Variants in MYO5A observed in about 807,000 individuals in gnomAD.
MYO5A encodes the protein myosin VA, also known as unconventional myosin-Va.
Under a neutral mutation model 249.7 loss-of-function variants are expected in MYO5A, and 98 were observed. The ratio of observed to expected loss-of-function variants is 0.39; its 90% CI spans 0.33 to 0.46. The LOEUF is 0.46. MYO5A is among the 20% of genes least tolerant of loss of function. The probability of loss-of-function intolerance (pLI) is 0.98; values close to 1 mark genes in which losing one functional copy is unlikely to be tolerated. For missense variants in MYO5A, 1,696 were observed against 2,308.8 expected (o/e 0.73, Z 5.44); for synonymous variants, 778 against 810.6 (o/e 0.96, Z 0.68).
At chr15:52,403,620 C>G (rs2042857834) in intron 9 of MYO5A, among the ~76,000 whole-genome samples, 1 of 152,184 alleles carries the variant, frequency 6.6e-6, no homozygotes, top group African/African-American at 2.4e-5. Flanking sequence ...TTTAAACTGA[C>G]TGTGGTGATG....
At chr15:52,406,112 C>T (rs961166558) in intron 8 of MYO5A, among the ~76,000 whole-genome samples, 8 of 152,102 alleles carry the variant, frequency 5.3e-5, no homozygotes, top group Non-Finnish European at 1.0e-4. Context: ...GATCTGGCTT[C>T]ATTTTTAAAT....
chr15:52,400,032 T>C (rs945957217), intron 9 of MYO5A, among the ~76,000 whole-genome samples: 11 of 152,234 alleles, frequency 7.2e-5, no homozygotes, highest in Non-Finnish European at 1.6e-4. Context: ...TCTGAATTTT[T>C]TTAACCAGTC....
intron 28 of MYO5A, among the ~76,000 whole-genome samples, chr15:52,350,592 G>A (rs1477764129): frequency 6.6e-6 from 1 of 152,168 alleles, no homozygotes; most frequent in Admixed American, 6.5e-5. Flanking sequence ...AGGTTTTCAA[G>A]GTGATCACTC....
intron 32 of MYO5A, 104 bp downstream of exon 32, chr15:52,340,092 G>A: frequency 8.5e-7 from 1 of 1,171,564 alleles, no homozygotes. Context: ...AAGTACAGAG[G>A]GGTGAGTTTT....
intron 12 of MYO5A, among the ~76,000 whole-genome samples, chr15:52,391,129 T>C (rs1426774185): frequency 6.6e-6 from 1 of 152,210 alleles, no homozygotes; most frequent in Non-Finnish European, 1.5e-5. Context: ...ATAAATGTTG[T>C]CAAATATCCT....
At chr15:52,403,452 A>C (rs1044825167) in intron 9 of MYO5A, among the ~76,000 whole-genome samples, 1 of 152,246 alleles carries the variant, frequency 6.6e-6, no homozygotes, top group African/African-American at 2.4e-5. Context: ...AGTCACGAAA[A>C]ACCACATATT....
intron 1 of MYO5A, among the ~76,000 whole-genome samples, chr15:52,479,339 A>G (rs143737866): frequency 3.3e-5 from 5 of 152,304 alleles, no homozygotes; most frequent in Admixed American, 3.3e-4. Flanking sequence ...AAAATAGACT[A>G]GTATTTACGT....
chr15:52,528,214 A>T (rs1422285319), intron 1 of MYO5A, among the ~76,000 whole-genome samples: 2 of 152,194 alleles, frequency 1.3e-5, no homozygotes, highest in African/African-American at 4.8e-5. Flanking sequence ...GCTCGCGTTC[A>T]TCCGGCAGCA....
At chr15:52,462,778 G>A (rs900409449) in intron 1 of MYO5A, among the ~76,000 whole-genome samples, 2 of 152,006 alleles carry the variant, frequency 1.3e-5, no homozygotes, top group African/African-American at 4.8e-5. Flanking sequence ...AACCCTGGAG[G>A]TGGAGGTTGC....
chr15:52,369,243 T>C (rs1382652877), intron 22 of MYO5A, among the ~76,000 whole-genome samples: 1 of 152,174 alleles, frequency 6.6e-6, no homozygotes, highest in African/African-American at 2.4e-5. Flanking sequence ...GTGCTGATAT[T>C]AACATTTAGA....
chr15:52,413,854 G>T (rs1177089230), intron 5 of MYO5A, among the ~76,000 whole-genome samples: 1 of 152,174 alleles, frequency 6.6e-6, no homozygotes, highest in South Asian at 2.1e-4. Context: ...GAAGGAAGCA[G>T]GTGAGCATAG....
At chr15:52,410,186 T>C in intron 6 of MYO5A, 147 bp downstream of exon 6, 1 of 1,004,242 alleles carries the variant, frequency 1.0e-6, no homozygotes, top group South Asian at 1.3e-5. Context: ...GGCACCATTT[T>C]ACAGGCTTCA....
At chr15:52,408,265 T>G (rs867487328) in intron 6 of MYO5A, 125 bp from the exon 7 acceptor site, 1 of 644,756 alleles carries the variant, frequency 1.6e-6, no homozygotes, top group African/African-American at 1.8e-5. Flanking sequence ...TTCCTATATT[T>G]CCTAATACTT....
At chr15:52,507,451 A>T (rs1262799658) in intron 1 of MYO5A, among the ~76,000 whole-genome samples, 2 of 152,204 alleles carry the variant, frequency 1.3e-5, no homozygotes, top group Non-Finnish European at 2.9e-5. Context: ...CCATAGCCAA[A>T]TCCTAACTAG....
chr15:52,410,588 A>ATTTTTTTTT, intron 5 of MYO5A, 112 bp from the exon 6 acceptor site: 2 of 682,612 alleles, frequency 2.9e-6, no homozygotes, highest in Non-Finnish European at 4.6e-6. Context: ...CTTAAAATTG[A>ATTTTTTTTT]TTTTTTTTTT....
chr15:52,364,064 C>A (rs1278361780), intron 24 of MYO5A, among the ~76,000 whole-genome samples: 1 of 152,030 alleles, frequency 6.6e-6, no homozygotes, highest in East Asian at 1.9e-4. Flanking sequence ...TGGTGAAACC[C>A]CATTTCTACT....
At chr15:52,359,884 G>T in intron 25 of MYO5A, 84 bp downstream of exon 25, 1 of 914,068 alleles carries the variant, frequency 1.1e-6, no homozygotes, top group Non-Finnish European at 1.8e-6. Flanking sequence ...ATGGCCAATT[G>T]GAGTCTGCTT....
chr15:52,493,945 T>G (rs983259498), intron 1 of MYO5A, among the ~76,000 whole-genome samples: 2 of 152,196 alleles, frequency 1.3e-5, no homozygotes, highest in Admixed American at 6.5e-5. Flanking sequence ...TTTTAGCTTG[T>G]ATCATACAAG....
intron 13 of MYO5A, 90 bp downstream of exon 13, chr15:52,389,148 A>G: frequency 7.2e-7 from 1 of 1,389,868 alleles, no homozygotes; most frequent in South Asian, 1.3e-5. Context: ...TGCAAACATC[A>G]GCAAAAGAAA....
Sources: allele counts gnomAD v4.1 joint callset (sites outside exome capture counted in the v4.1 genomes callset), GRCh38; gene constraint gnomAD v4.1.1; transcripts MANE v1.5; gene names NCBI Gene and HGNC (gene_info 2026-07-23, HGNC 2026-07-21).